Variants in FGFR2 observed in about 807,000 individuals in gnomAD.
FGFR2 encodes the protein fibroblast growth factor receptor 2, also known as BEK fibroblast growth factor receptor.
FGFR2 carries 19 observed loss-of-function variants against 95.9 expected under a neutral mutation model. The observed-to-expected ratio is 0.20, with a 90% CI of 0.14 to 0.29. The LOEUF (loss-of-function observed/expected upper bound fraction) is 0.29, where lower values mean the gene tolerates loss of function less well. Among genes scored for constraint, FGFR2 ranks in the 10% least tolerant of loss-of-function variants. FGFR2 has a pLI of 1.00. For missense variants in FGFR2, 707 were observed against 1,056.9 expected (o/e 0.67, Z 4.59); for synonymous variants, 392 against 393.3 (o/e 1.00, Z 0.04).
chr10:121,481,838 TTA>T (rs1564846870), intron 17 of FGFR2: 24 of 189,638 alleles, frequency 1.3e-4, no homozygotes, highest in East Asian at 3.5e-4. Flanking sequence ...TTTTTTATTT[TTA>T]TTTTTTTTTT....
Position 121,518,116 on chromosome 10 carries a change from C to T in FGFR2, c.940-653G>A, listed in dbSNP as rs1454896247. The T allele has an allele frequency of 2.5e-5, 11 of 444,178 alleles. No individual in the cohort carries two copies. In the East Asian group the frequency reaches 5.9e-4, roughly 24 times the overall value. 27.5% of individuals were successfully genotyped at this position (444,178 alleles called of 1,614,324 possible). A position where few individuals can be genotyped will look rare whatever the true frequency, so the allele number is the denominator to read the frequency against. On this transcript the variant is annotated intron_variant, in intron 7 of 17. Coordinates refer to ENST00000358487, the MANE Select transcript of FGFR2 (RefSeq NM_000141.5). The surrounding 1 kb of genome is among the most constrained non-coding windows in gnomAD (Gnocchi z 4.0). ...ACATTTGGATGTGAGTCATGACAAACCTAAAAAGTCAACCTTTTGCCTTTA... is the reference window on the plus strand; with the variant it reads ...ACATTTGGATGTGAGTCATGACAAATCTAAAAAGTCAACCTTTTGCCTTTA...
rs1333883812 is a variant in FGFR2, at chr10:121,479,887, A to G, written c.2436T>C (p.Tyr812=). The change falls in exon 18 of 18, where the codon TAT becomes TAC. Residue 812 remains tyrosine, a synonymous_variant. Transcript: ENST00000358487. The stretch of plus-strand genomic sequence containing the variant: ...TTTTAACACTGCCGTTTATGTGTGG[A>G]TACTGAGGAAGGCATGGTTCGTAAG... ...PMPYEPCLPQ[Y]PHINGSVKT 4 of 1,614,154 alleles carry G rather than the reference A, an allele frequency of 2.5e-6. No homozygotes were observed. The highest frequency in any genetic ancestry group is 2.5e-6 in the Non-Finnish European group (3 of 1,180,024).
intron 5 of FGFR2, among the ~76,000 whole-genome samples, chr10:121,549,620 A>T (rs1431589964): frequency 6.6e-6 from 1 of 152,030 alleles, no homozygotes; most frequent in Non-Finnish European, 1.5e-5. Context: ...GACTTCTGCG[A>T]TCCTGCTCTC....
chr10:121,590,396 T>G (rs1862458381), intron 2 of FGFR2, among the ~76,000 whole-genome samples: 1 of 152,188 alleles, frequency 6.6e-6, no homozygotes, highest in African/African-American at 2.4e-5. Context: ...ATATTTATAA[T>G]GTTAATCAAC....
At chr10:121,552,611 G>A (rs1015227710) in intron 4 of FGFR2, among the ~76,000 whole-genome samples, 2 of 152,172 alleles carry the variant, frequency 1.3e-5, no homozygotes, top group Non-Finnish European at 2.9e-5. Context: ...GCTTCTCCAC[G>A]AGGTTGGAAT....
intron 10 of FGFR2, among the ~76,000 whole-genome samples, chr10:121,501,527 A>T (rs954545538): frequency 1.5e-4 from 23 of 152,208 alleles, no homozygotes; most frequent in Non-Finnish European, 2.9e-4. Flanking sequence ...TAAAATTAAC[A>T]ATGAAGAAAA....
In FGFR2 at chr10:121,496,580, T is replaced by C. The variant is rs750783841; in HGVS notation, c.1815A>G (p.Ser605=). Residue 605 remains serine (S), a synonymous_variant, in exon 13 of 18, where the codon TCA becomes TCG. Transcript: ENST00000358487. ...EEQMTFKDLV[S]CTYQLARGME... is the part of the protein sequence containing the mutation. Reference sequence around the variant, plus strand: ...TGCCTCTGGCCAGCTGGTAGGTGCATGACACCAAGTCCTTGAAGGTCATCT... The same window carrying C: ...TGCCTCTGGCCAGCTGGTAGGTGCACGACACCAAGTCCTTGAAGGTCATCT... The C allele has an allele frequency of 1.2e-6, 2 of 1,613,984 alleles. No individual in the cohort carries two copies. The highest frequency in any genetic ancestry group is 1.1e-5 in the South Asian group (1 of 91,066).
At chr10:121,597,226 T>C (rs1393700042) in intron 1 of FGFR2, among the ~76,000 whole-genome samples, 3 of 152,180 alleles carry the variant, frequency 2.0e-5, no homozygotes, top group African/African-American at 4.8e-5. Context: ...CCTCGGCTTT[T>C]TTCCCCAGCG....
rs200338759 is a variant in FGFR2 at position 121,528,868 on chromosome 10, G to GAACA, written c.749-8703_749-8700dup. Among the ~76,000 whole-genome samples the GAACA allele has an allele frequency of 7.1e-3, 1,088 of 152,256 alleles. 16 individuals are homozygous for GAACA. Among genetic ancestry groups the GAACA allele is most frequent in the African/African-American group, 0.025 (1,056 of 41,544 alleles). On this transcript the variant is annotated intron_variant, in intron 6 of 17. Coordinates refer to ENST00000358487, the MANE Select transcript of FGFR2 (RefSeq NM_000141.5). ...GGCCCCAGCCCCAGTCCCTCCCTAT[G>GAACA]AACACTCGGTGAGAGTCTCACATAC...
Position 121,574,256 on chromosome 10 carries a change from C to T in FGFR2, c.110-8552G>A, listed in dbSNP as rs565551635. On this transcript the variant is annotated intron_variant, in intron 2 of 17. Coordinates refer to ENST00000358487, the MANE Select transcript of FGFR2 (RefSeq NM_000141.5). ...AAATAAAGGCAATGGAGGCCAGGTG[C>T]GGTGGCTCATGTCTGTAATACCAGC... Among the ~76,000 whole-genome samples, 14 of 152,170 alleles carry T rather than the reference C, an allele frequency of 9.2e-5. No homozygotes were observed. In the East Asian group the frequency reaches 9.7e-4, roughly 11 times the overall value.
At chr10:121,542,961 A>G (rs1359849939) in intron 5 of FGFR2, among the ~76,000 whole-genome samples, 1 of 152,236 alleles carries the variant, frequency 6.6e-6, no homozygotes, top group Non-Finnish European at 1.5e-5. Context: ...TTGCAAAAAA[A>G]TCCAGACATT....
At chr10:121,504,611 G>A (rs1848040499) in intron 9 of FGFR2, among the ~76,000 whole-genome samples, 1 of 152,100 alleles carries the variant, frequency 6.6e-6, no homozygotes, top group Non-Finnish European at 1.5e-5. Flanking sequence ...GCTGCCTCTT[G>A]TCTTCGGTTT....
intron 13 of FGFR2, among the ~76,000 whole-genome samples, chr10:121,494,905 C>G (rs970100663): frequency 6.6e-6 from 1 of 152,170 alleles, no homozygotes; most frequent in Non-Finnish European, 1.5e-5. Context: ...AGTCCATATT[C>G]AAAGGACACT....
chr10:121,592,714 A>C (rs1235386237), intron 2 of FGFR2, among the ~76,000 whole-genome samples: 1 of 151,974 alleles, frequency 6.6e-6, no homozygotes, highest in Non-Finnish European at 1.5e-5. Flanking sequence ...CACGCACGAG[A>C]TGTGTTCCCA....
At chr10:121,596,755 C>G (rs918334191) in intron 1 of FGFR2, 1 of 193,872 alleles carries the variant, frequency 5.2e-6, no homozygotes, top group Non-Finnish European at 1.1e-5. Flanking sequence ...ACCACCACCC[C>G]CTTTCAGGGC....
At chr10:121,537,376 A>G (rs1055556256) in intron 6 of FGFR2, among the ~76,000 whole-genome samples, 2 of 152,252 alleles carry the variant, frequency 1.3e-5, no homozygotes, top group African/African-American at 4.8e-5. Context: ...GAAAATCAAA[A>G]TAGTTTTGTT....
intron 6 of FGFR2, among the ~76,000 whole-genome samples, chr10:121,524,135 C>A (rs1335474013): frequency 6.7e-6 from 1 of 148,968 alleles, no homozygotes; most frequent in Non-Finnish European, 1.5e-5. Context: ...CACACACACA[C>A]ACACACACAC....
In FGFR2 at chr10:121,518,549, A is replaced by G; in HGVS notation, c.940-1086T>C. ...TCATACCAGCTGCATCACCGAAGAA[A>G]GATTATTATAAATATACCAAGGCCA... On this transcript the variant is annotated intron_variant, in intron 7 of 17. Coordinates refer to ENST00000358487, the MANE Select transcript of FGFR2 (RefSeq NM_000141.5). This position sits in a 1 kb window ranked among gnomAD's most constrained non-coding sequence, Gnocchi z 4.0. 2.0e-6 allele frequency: 2 copies of G among 1,007,268 alleles called. No homozygotes were observed. The highest frequency in any genetic ancestry group is 2.9e-6 in the Non-Finnish European group (2 of 691,054). 62.4% of individuals were successfully genotyped at this position (1,007,268 alleles called of 1,614,324 possible).
At chr10:121,565,378 G>C (rs2135106542) in intron 3 of FGFR2, 60 bp downstream of exon 3, 1 of 1,606,608 alleles carries the variant, frequency 6.2e-7, no homozygotes, top group Non-Finnish European at 8.5e-7. Flanking sequence ...CTTTTCACTT[G>C]GCCAAAAAAA....
Sources: gnomAD v4.1 joint callset for allele counts (sites outside exome capture counted in the v4.1 genomes callset) on GRCh38, gnomAD v4.1.1 for gene constraint, Gnocchi (gnomAD v3.1) non-coding constraint, MANE v1.5 for transcripts, NCBI Gene and HGNC (gene_info 2026-07-23, HGNC 2026-07-21) for gene names.